Variants in EEA1 observed in about 807,000 individuals in gnomAD.
EEA1 encodes early endosome antigen 1, 162kD.
Under a neutral mutation model 209.2 loss-of-function variants are expected in EEA1, and 111 were observed. The ratio of observed to expected loss-of-function variants is 0.53; its 90% CI spans 0.45 to 0.62. The LOEUF is 0.62. Ranked by LOEUF, EEA1 falls within the 20% of genes least tolerant of loss-of-function variation. The pLI is 0.00. For missense variants in EEA1, 1,343 were observed against 1,530.8 expected (o/e 0.88, Z 2.05); for synonymous variants, 536 against 540.6 (o/e 0.99, Z 0.12).
chr12:92,813,438 AGT>A (rs1435311955), intron 15 of EEA1, among the ~76,000 whole-genome samples: 1 of 152,222 alleles, frequency 6.6e-6, no homozygotes, highest in East Asian at 1.9e-4. Flanking sequence ...ATTATGATAA[AGT>A]AAATAACCAT....
At position 92,835,090 on chromosome 12, in the gene EEA1, C is replaced by T. The variant is rs185305029; in HGVS notation, c.916-2240G>A. On this transcript the variant is annotated intron_variant, in intron 10 of 28. Transcript: ENST00000322349. ...TAGAGACGGGGTTTCACCATGTTAG[C>T]CAGGATGGTCTCGATCTCCTGACCT... is the stretch of plus-strand genomic sequence containing the variant. 3.5e-3 allele frequency among the ~76,000 whole-genome samples: 532 copies of T among 151,948 alleles called. 5 individuals carry two copies. The highest frequency in any genetic ancestry group is 0.012 in the African/African-American group (494 of 41,434).
intron 3 of EEA1, among the ~76,000 whole-genome samples, chr12:92,861,533 A>C (rs1019678927): frequency 6.6e-6 from 1 of 152,214 alleles, no homozygotes. Context: ...GATATACTCA[A>C]ACAAGTACAA....
At chr12:92,911,609 T>A (rs890877874) in intron 1 of EEA1, among the ~76,000 whole-genome samples, 7 of 152,078 alleles carry the variant, frequency 4.6e-5, no homozygotes, top group African/African-American at 1.7e-4. Context: ...ACACCAAGAG[T>A]GAACCCTACT....
chr12:92,885,766 G>T (rs560623622), intron 2 of EEA1, among the ~76,000 whole-genome samples: 1 of 152,190 alleles, frequency 6.6e-6, no homozygotes. Flanking sequence ...GGGTCTTGCT[G>T]TCTCAGAGGT....
At chr12:92,882,733 C>G (rs6538361) in intron 2 of EEA1, among the ~76,000 whole-genome samples, 141,862 of 152,232 alleles carry the variant, frequency 0.93, 66,146 homozygotes, top group East Asian at 1. Flanking sequence ...CATCAGTATT[C>G]CTACAAAGAA....
intron 10 of EEA1, among the ~76,000 whole-genome samples, chr12:92,838,754 A>G (rs1186750803): frequency 6.6e-6 from 1 of 152,200 alleles, no homozygotes. Context: ...TAAGATTTAT[A>G]TATGAATGTT....
At chr12:92,850,572 C>T (rs1877569850) in intron 9 of EEA1, among the ~76,000 whole-genome samples, 1 of 151,564 alleles carries the variant, frequency 6.6e-6, no homozygotes. Flanking sequence ...CACCTGTAAT[C>T]CCAGCTACTT....
In EEA1 at chr12:92,787,963, T is replaced by C. The variant is rs145354927; in HGVS notation, c.3054A>G (p.Gln1018=). Residue 1018 remains glutamine (Q), a synonymous_variant, in exon 22 of 29, where the codon CAA becomes CAG. Coordinates refer to ENST00000322349, the MANE Select transcript of EEA1 (RefSeq NM_003566.4). ...AAEKEKISVL[Q]NNYEKSQETF... ...TTTCCTGACTTTTTTCATAGTTGTT[T>C]TGTAATACTGATATTTTCTCTTTCT... is the stretch of plus-strand genomic sequence containing the variant. 27 of 1,613,270 alleles carry C rather than the reference T, an allele frequency of 1.7e-5. No individual in the cohort carries two copies. The African/African-American group carries it at 3.6e-4, about 22-fold the overall frequency.
chr12:92,884,767 A>G, intron 2 of EEA1: 1 of 1,106,066 alleles, frequency 9.0e-7, no homozygotes, highest in East Asian at 2.5e-5. Context: ...TACAGGTTAC[A>G]ACAGATTGTG....
At chr12:92,809,414 G>C (rs1002099819) in intron 17 of EEA1, among the ~76,000 whole-genome samples, 1 of 151,328 alleles carries the variant, frequency 6.6e-6, no homozygotes, top group Non-Finnish European at 1.5e-5. Context: ...GGCTGGGCGC[G>C]GTGGCTCACA....
chr12:92,875,273 T>TA (rs1230834649), intron 2 of EEA1, among the ~76,000 whole-genome samples: 1 of 151,968 alleles, frequency 6.6e-6, no homozygotes, highest in Admixed American at 6.6e-5. Context: ...AATGGTCTAT[T>TA]AAAAATACAA....
Position 92,862,930 on chromosome 12 carries a change from C to T in EEA1, c.245+1930G>A, listed in dbSNP as rs115214764. On this transcript the variant is annotated intron_variant, in intron 3 of 28. Coordinates refer to ENST00000322349, the MANE Select transcript of EEA1 (RefSeq NM_003566.4). ...TAGGTTTAGAAGAAAACAGAAAAAA[C>T]TCTGTTTTCAAAATGTCAATGATGA... Among the ~76,000 whole-genome samples the T allele has an allele frequency of 5.6e-3, 854 of 152,224 alleles. 10 individuals carry two copies. Among genetic ancestry groups the T allele is most frequent in the African/African-American group, 0.019 (808 of 41,526 alleles).
intron 1 of EEA1, among the ~76,000 whole-genome samples, chr12:92,921,501 A>C (rs1880993043): frequency 8.6e-6 from 1 of 116,774 alleles, no homozygotes; most frequent in Admixed American, 8.5e-5. Flanking sequence ...TCACAAGAAC[A>C]AAAAACCAAA....
intron 1 of EEA1, among the ~76,000 whole-genome samples, chr12:92,926,008 T>G (rs1038767482): frequency 1.3e-5 from 2 of 151,832 alleles, no homozygotes; most frequent in Non-Finnish European, 2.9e-5. Context: ...TTTTTTTTTT[T>G]TTTAGACGGA....
intron 15 of EEA1, among the ~76,000 whole-genome samples, chr12:92,813,465 T>C (rs185127131): frequency 1.5e-4 from 23 of 152,274 alleles, no homozygotes; most frequent in Admixed American, 9.2e-4. Context: ...CAAAAAATGA[T>C]TACTCCGAAG....
chr12:92,843,271 A>C (rs1459393310), intron 9 of EEA1, among the ~76,000 whole-genome samples: 1 of 151,984 alleles, frequency 6.6e-6, no homozygotes, highest in Non-Finnish European at 1.5e-5. Flanking sequence ...CAATCCTCCC[A>C]CATCAGCCTC....
chr12:92,812,331 A>T (rs1314775685), intron 16 of EEA1, among the ~76,000 whole-genome samples: 3 of 140,684 alleles, frequency 2.1e-5, no homozygotes, highest in African/African-American at 7.7e-5. Flanking sequence ...AACTCCATCT[A>T]AAAAAAAAAA....
chr12:92,830,549 T>C (rs553824855), intron 11 of EEA1, among the ~76,000 whole-genome samples: 53 of 150,558 alleles, frequency 3.5e-4, no homozygotes, highest in South Asian at 1.5e-3. Context: ...GTGAAGTAAA[T>C]AGTATCTATC....
At chr12:92,777,345 A>C (rs1873700751) in intron 27 of EEA1, among the ~76,000 whole-genome samples, 198 bp downstream of exon 27, 1 of 151,970 alleles carries the variant, frequency 6.6e-6, no homozygotes, top group Non-Finnish European at 1.5e-5. Flanking sequence ...ATGGCTTTCT[A>C]ATGAATCTCT....
Sources: allele counts gnomAD v4.1 joint callset (sites outside exome capture counted in the v4.1 genomes callset), GRCh38; gene constraint gnomAD v4.1.1; transcripts MANE v1.5; gene names NCBI Gene and HGNC (gene_info 2026-07-23, HGNC 2026-07-21).